C8B: variants seen among roughly 807,000 people sequenced by gnomAD.
The protein encoded by C8B is complement C8 beta chain.
In C8B, 67 loss-of-function variants were observed where a neutral mutation model predicts 64.6. The observed-to-expected ratio is 1.04, with a 90% CI of 0.85 to 1.27. The LOEUF is 1.27. C8B is among the 50% of genes most tolerant of loss of function. C8B has a pLI of 0.00. For missense variants in C8B, 790 were observed against 725.2 expected (o/e 1.09, Z -1.03); for synonymous variants, 284 against 257.7 (o/e 1.10, Z -0.98).
chr1:56,960,010 G>C lies in C8B; in HGVS notation c.249+10C>G. ...GGAAGCTTAGAGCTGTCCCAGGCCT[G>C]GTTGCTTACCCTTTTCTTCTGACAG... is the stretch of plus-strand genomic sequence containing the variant. On this transcript the variant is annotated intron_variant, in intron 2 of 11. Coordinates refer to ENST00000371237, the MANE Select transcript of C8B (RefSeq NM_000066.4). 2 of 1,614,122 alleles carry C rather than the reference G, an allele frequency of 1.2e-6. No homozygotes were observed. The highest frequency in any genetic ancestry group is 2.2e-5 in the South Asian group (2 of 91,076).
At chr1:56,941,725 A>T (rs11807632) in intron 8 of C8B, among the ~76,000 whole-genome samples, 5,349 of 152,314 alleles carry the variant, frequency 0.035, 299 homozygotes, top group African/African-American at 0.12. Flanking sequence ...AGGCCCACAC[A>T]GCTAGTAGCT....
rs1276395573 is a variant in C8B, at chr1:56,933,464, T to A, written c.1423A>T (p.Thr475Ser). 6.2e-7 allele frequency: 1 copy of A among 1,613,806 alleles called. No individual in the cohort carries two copies. Among genetic ancestry groups the A allele is most frequent in the Non-Finnish European group, 8.5e-7 (1 of 1,179,854 alleles). ...VKVEPLYELVTATDFAYSSTV... is the reference protein window; with the variant it reads ...VKVEPLYELVSATDFAYSSTV... ...CTGGAATAGGCAAAATCTGTGGCTGTCACTAGTTCATACAGAGGCTCCACC... is the reference window on the plus strand; with the variant it reads ...CTGGAATAGGCAAAATCTGTGGCTGACACTAGTTCATACAGAGGCTCCACC... Residue 475 changes from threonine to serine, a missense_variant, in exon 10 of 12, where the codon ACA becomes TCA. By Grantham distance (58) the Thr-to-Ser change is moderately conservative. Coordinates refer to ENST00000371237, the MANE Select transcript of C8B (RefSeq NM_000066.4).
chr1:56,931,429 A>C (rs1479905472), intron 11 of C8B, among the ~76,000 whole-genome samples: 4 of 152,174 alleles, frequency 2.6e-5, no homozygotes, highest in African/African-American at 4.8e-5. Flanking sequence ...AGCAGGAGGA[A>C]TTAGCTCATT....
chr1:56,949,200 T>C (rs558369154), intron 6 of C8B, among the ~76,000 whole-genome samples: 1 of 152,264 alleles, frequency 6.6e-6, no homozygotes, highest in Admixed American at 6.5e-5. Flanking sequence ...GAGGCACCTT[T>C]ATGAGGTTAT....
intron 5 of C8B, among the ~76,000 whole-genome samples, chr1:56,950,237 A>G (rs1645001204): frequency 6.6e-6 from 1 of 152,194 alleles, no homozygotes; most frequent in Admixed American, 6.5e-5. Flanking sequence ...GAGTAGATCA[A>G]GCCTCAGGAA....
chr1:56,949,556 G>A lies in C8B; in HGVS notation c.863C>T (p.Thr288Ile). ...YIRRTKRFSH[T>I]KSVFLHARSD... ...TAAAAGCAACAAAGACATACTTACA[G>A]TATGAGAGAATCGTTTGGTTCTCCT... The change falls in exon 6 of 12, where the codon ACT (threonine) becomes ATT (isoleucine). Residue 288 changes from threonine to isoleucine, a missense_variant and splice_region_variant. Transcript: ENST00000371237. 1 of 1,612,604 alleles carries A rather than the reference G, an allele frequency of 6.2e-7. No homozygotes were observed. Among genetic ancestry groups the A allele is most frequent in the East Asian group, 2.2e-5 (1 of 44,842 alleles).
chr1:56,960,285 G>A, intron 1 of C8B, 109 bp from the exon 2 acceptor site: 1 of 1,003,228 alleles, frequency 1.0e-6, no homozygotes, highest in Non-Finnish European at 1.6e-6. Flanking sequence ...CTTGTGCAAG[G>A]CTATTAGTTT....
chr1:56,951,230 A>G (rs1645016543), intron 5 of C8B, among the ~76,000 whole-genome samples: 1 of 152,102 alleles, frequency 6.6e-6, no homozygotes, highest in Non-Finnish European at 1.5e-5. Flanking sequence ...GACACGCACC[A>G]CCACACCCGG....
intron 9 of C8B, among the ~76,000 whole-genome samples, chr1:56,939,674 C>G (rs1179180412): frequency 6.6e-6 from 1 of 152,184 alleles, no homozygotes; most frequent in African/African-American, 2.4e-5. Context: ...TTTAGTTTAA[C>G]ATTGTAAAAC....
chr1:56,941,060 C>T (rs1296162771), intron 8 of C8B, 48 bp from the exon 9 acceptor site: 1 of 1,606,168 alleles, frequency 6.2e-7, no homozygotes, highest in Non-Finnish European at 8.5e-7. Flanking sequence ...TCCCTTTGCC[C>T]CCTAGAATTT....
At chr1:56,942,834 A>AC (rs1169340294) in intron 8 of C8B, among the ~76,000 whole-genome samples, 3 of 152,040 alleles carry the variant, frequency 2.0e-5, no homozygotes, top group Non-Finnish European at 2.9e-5. Context: ...CTTTGAGGGT[A>AC]CCGAGGCTTG....
chr1:56,938,273 C>A (rs1447556436), intron 9 of C8B, among the ~76,000 whole-genome samples: 1 of 152,190 alleles, frequency 6.6e-6, no homozygotes, highest in Non-Finnish European at 1.5e-5. Context: ...GTTTATAACA[C>A]CTTCCACATC....
Position 56,931,900 on chromosome 1 carries a change from AGT to A in C8B, c.1553-24_1553-23del, listed in dbSNP as rs553147782. On this transcript the variant is annotated intron_variant, in intron 10 of 11. Transcript: ENST00000371237. ...GATCCTGAGAAGACAAGGCAGAGAAAGTGTGAATCATGCCAGGTGGAGCAAAG... is the reference window on the plus strand; with the variant it reads ...GATCCTGAGAAGACAAGGCAGAGAAAGTGAATCATGCCAGGTGGAGCAAAG... 1.4e-4 allele frequency: 215 copies of A among 1,591,854 alleles called. No homozygotes were observed. In the East Asian group the frequency reaches 4.7e-3, roughly 35 times the overall value.
rs188339432 is a variant in C8B at position 56,964,668 on chromosome 1, C to T, written c.92+1189G>A. Among the ~76,000 whole-genome samples the T allele has an allele frequency of 2.0e-5, 3 of 152,274 alleles. No homozygotes were observed. In the East Asian group the frequency reaches 5.8e-4, roughly 29 times the overall value. On this transcript the variant is annotated intron_variant, in intron 1 of 11. Coordinates refer to ENST00000371237, the MANE Select transcript of C8B (RefSeq NM_000066.4). ...TTCCCTCCTTGTTTCCTGGCTGCCC[C>T]GTAGCATCTTTTGTAACGGTACACA...
rs1644729935 is a variant in C8B at position 56,933,385 on chromosome 1, C to T, written c.1502G>A (p.Ser501Asn). The part of the protein sequence containing the change: ...QALEEFQKEV[S>N]SCHCAPCQGN... ...TTGGCAGGGAGCACAGTGGCAGGAACTAACTTCCTTCTGGAACTCCTCCAG... is the reference window on the plus strand; with the variant it reads ...TTGGCAGGGAGCACAGTGGCAGGAATTAACTTCCTTCTGGAACTCCTCCAG... Residue 501 changes from serine (S) to asparagine (N), a missense_variant, in exon 10 of 12, where the codon AGT becomes AAT. Ser to Asn is a conservative substitution (Grantham distance 46). Transcript: ENST00000371237. 1 of 1,613,816 alleles carries T rather than the reference C, an allele frequency of 6.2e-7. No individual in the cohort carries two copies. The highest frequency in any genetic ancestry group is 8.5e-7 in the Non-Finnish European group (1 of 1,179,718).
rs770553711 is a variant in C8B, at chr1:56,949,619, C to T, written c.800G>A (p.Gly267Asp). 4.3e-6 allele frequency: 7 copies of T among 1,613,910 alleles called. No individual in the cohort carries two copies. Among genetic ancestry groups the T allele is most frequent in the African/African-American group, 1.3e-5 (1 of 74,918 alleles). The change falls in exon 6 of 12, where the codon GGC (glycine) becomes GAC (aspartate). Residue 267 changes from glycine to aspartate, a missense_variant. By Grantham distance (94) the Gly-to-Asp change is moderately conservative. Transcript: ENST00000371237. ...GFKIPGIFEL[G>D]ISSQSDRGKH... The stretch of plus-strand genomic sequence containing the variant: ...GCCTCGATCACTTTGACTACTGATG[C>T]CAAGTTCAAATATTCCAGGTATTTT...
At chr1:56,954,938 C>A (rs1570400126) in intron 3 of C8B, 111 bp from the exon 4 acceptor site, 27 of 1,280,762 alleles carry the variant, frequency 2.1e-5, no homozygotes, top group Non-Finnish European at 3.1e-5. Flanking sequence ...TGCATGCTGC[C>A]CTGTTTTAAT....
intron 7 of C8B, among the ~76,000 whole-genome samples, chr1:56,944,652 A>AT (rs1277710202): frequency 1.3e-5 from 2 of 152,188 alleles, no homozygotes; most frequent in East Asian, 1.9e-4. Context: ...TGAGAGTGGA[A>AT]TCTATTATGT....
At chr1:56,956,184 A>C (rs905215771) in intron 3 of C8B, among the ~76,000 whole-genome samples, 22 of 152,234 alleles carry the variant, frequency 1.4e-4, no homozygotes, top group African/African-American at 2.7e-4. Context: ...AAATGATGCT[A>C]ACTGCCCTAT....
Sources: allele counts gnomAD v4.1 joint callset (sites outside exome capture counted in the v4.1 genomes callset), GRCh38; gene constraint gnomAD v4.1.1; transcripts MANE v1.5; gene names NCBI Gene and HGNC (gene_info 2026-07-23, HGNC 2026-07-21).